KNOP1: variants seen among roughly 807,000 people sequenced by gnomAD.
KNOP1 encodes lysine-rich nucleolar protein 1.
A neutral mutation model predicts 30.6 loss-of-function variants in KNOP1; 20 were observed. That is an observed-to-expected ratio of 0.65 (90% CI 0.46 to 0.95). The LOEUF (loss-of-function observed/expected upper bound fraction) is 0.95. Ranked by LOEUF, KNOP1 falls within the 40% of genes least tolerant of loss-of-function variation. The pLI, the probability that KNOP1 is intolerant of heterozygous loss-of-function variation, is 0.00. For missense variants in KNOP1, 540 were observed against 562.0 expected (o/e 0.96, Z 0.40); for synonymous variants, 204 against 210.0 (o/e 0.97, Z 0.25).
chr16:19,714,847 T>G lies in KNOP1; in HGVS notation c.189A>C (p.Leu63=). 3 of 1,613,742 alleles carry G rather than the reference T, an allele frequency of 1.9e-6. No homozygotes were observed. Among genetic ancestry groups the G allele is most frequent in the Non-Finnish European group, 2.5e-6 (3 of 1,179,924 alleles). Residue 63 remains leucine, a synonymous_variant, in exon 2 of 5, where the codon CTA becomes CTC. Coordinates refer to ENST00000219837, the MANE Select transcript of KNOP1 (RefSeq NM_001012991.3). ...VAHGQAPEMP[L]VKKKKKKKKG... ...TCTTTTTCTTCTTCTTTTTCTTCAC[T>G]AGAGGCATCTCAGGTGCCTGCCCAT...
At chr16:19,717,316 G>A in intron 1 of KNOP1, 1 of 985,456 alleles carries the variant, frequency 1.0e-6, no homozygotes, top group Non-Finnish European at 1.2e-6. Flanking sequence ...TAAGTGGGCA[G>A]AGATAAAGGA....
At position 19,706,229 on chromosome 16, in the gene KNOP1, T is replaced by G. The variant is rs1054845147; in HGVS notation, c.*681A>C. The G allele has an allele frequency of 1.3e-5, 2 of 152,634 alleles. No individual in the cohort carries two copies. Among genetic ancestry groups the G allele is most frequent in the African/African-American group, 4.8e-5 (2 of 41,458 alleles). The allele number at this position is 152,634 out of a possible 1,614,324, so 9.5% of individuals were successfully genotyped here. A position where few individuals can be genotyped will look rare whatever the true frequency, so the allele number is the denominator to read the frequency against. ...AGATGCAGACTTGTCATAAAACTTTTTCCTCCATCTAAAGACATTTCAATC... is the reference window on the plus strand; with the variant it reads ...AGATGCAGACTTGTCATAAAACTTTGTCCTCCATCTAAAGACATTTCAATC... On this transcript the variant is annotated 3_prime_UTR_variant, in exon 5 of 5. Coordinates refer to ENST00000219837, the MANE Select transcript of KNOP1 (RefSeq NM_001012991.3).
Position 19,702,975 on chromosome 16 carries a change from T to G in KNOP1, c.*3935A>C. On this transcript the variant is annotated 3_prime_UTR_variant, in exon 5 of 5. Transcript: ENST00000219837. ...ACGCCTCTGCACTCCAGCCTGGGCGTGGAGTGAGAGTGAGACTGTCTCAAA... is the reference window on the plus strand; with the variant it reads ...ACGCCTCTGCACTCCAGCCTGGGCGGGGAGTGAGAGTGAGACTGTCTCAAA... 6.7e-6 allele frequency: 1 copy of G among 148,526 alleles called. No homozygotes were observed. Among genetic ancestry groups the G allele is most frequent in the Non-Finnish European group, 1.5e-5 (1 of 67,430 alleles). The allele number at this position is 148,526 out of a possible 1,614,324, so 9.2% of individuals were successfully genotyped here. A position where few individuals can be genotyped will look rare whatever the true frequency, so the allele number is the denominator to read the frequency against.
In KNOP1 at chr16:19,705,224, G is replaced by C. The variant is rs1051945379; in HGVS notation, c.*1686C>G. ...GCTTCCTTGGCGAGCTGTTGAACCA[G>C]GCCCTAATCAGGCCTTCCTGCCACG... On this transcript the variant is annotated 3_prime_UTR_variant, in exon 5 of 5. Coordinates refer to ENST00000219837, the MANE Select transcript of KNOP1 (RefSeq NM_001012991.3). The C allele has an allele frequency of 2.2e-6, 1 of 456,090 alleles. No homozygotes were observed. The allele number at this position is 456,090 out of a possible 1,614,324, so 28.3% of individuals were successfully genotyped here.
Position 19,714,818 on chromosome 16 carries a change from C to A in KNOP1, c.218G>T (p.Gly73Val), listed in dbSNP as rs201093179. Residue 73 changes from glycine to valine, a missense_variant, in exon 2 of 5, where the codon GGT becomes GTT. Transcript: ENST00000219837. Reference protein sequence around the residue: ...LVKKKKKKKKGVSTLCEEHVE... With the variant: ...LVKKKKKKKKVVSTLCEEHVE... ...ATGCTCCTCGCAAAGGGTGCTGACA[C>A]CCTTCTTTTTCTTCTTCTTTTTCTT... 153 of 1,613,880 alleles carry A rather than the reference C, an allele frequency of 9.5e-5. No homozygotes were observed. In the African/African-American group the frequency reaches 1.6e-3, roughly 17 times the overall value.
chr16:19,714,716 A>G lies in KNOP1; in HGVS notation c.320T>C (p.Leu107Ser). ...PSLRKQVFGH[L>S]EFLSGEKKNK... ...TTTCTTTTCCCCACTGAGGAACTCC[A>G]AGTGGCCAAACACCTGCTTCCTGAG... Residue 107 changes from leucine to serine, a missense_variant, in exon 2 of 5, where the codon TTG becomes TCG. Coordinates refer to ENST00000219837, the MANE Select transcript of KNOP1 (RefSeq NM_001012991.3). The G allele has an allele frequency of 6.2e-7, 1 of 1,614,196 alleles. No homozygotes were observed. The highest frequency in any genetic ancestry group is 8.5e-7 in the Non-Finnish European group (1 of 1,180,048).
intron 2 of KNOP1, 58 bp downstream of exon 2, chr16:19,714,059 CT>C: frequency 6.8e-7 from 1 of 1,479,750 alleles, no homozygotes; most frequent in South Asian, 1.3e-5. Flanking sequence ...CTACACACCC[CT>C]CCCAAACCCC....
chr16:19,714,308 C>T lies in KNOP1; in HGVS notation c.728G>A (p.Ser243Asn). The T allele has an allele frequency of 1.2e-6, 2 of 1,614,114 alleles. No individual in the cohort carries two copies. The highest frequency in any genetic ancestry group is 8.5e-7 in the Non-Finnish European group (1 of 1,180,002). ...CTCAACTTTGACTGGCTTCTTTTTA[C>T]TTCCTTTCCTAGGGCTGCTCTCCAT... The part of the protein sequence containing the change: ...RSMESSPRKG[S>N]KKKPVKVEAP... Residue 243 changes from serine to asparagine, a missense_variant, in exon 2 of 5, where the codon AGT (serine) becomes AAT (asparagine). Transcript: ENST00000219837.
At position 19,707,212 on chromosome 16, in the gene KNOP1, A is replaced by T; in HGVS notation, c.1075T>A (p.Phe359Ile). 1 of 1,612,334 alleles carries T rather than the reference A, an allele frequency of 6.2e-7. No individual in the cohort carries two copies. Among genetic ancestry groups the T allele is most frequent in the Non-Finnish European group, 8.5e-7 (1 of 1,179,800 alleles). The change falls in exon 5 of 5, where the codon TTT becomes ATT. Residue 359 changes from phenylalanine to isoleucine, a missense_variant. Phe to Ile is a conservative substitution (Grantham distance 21, BLOSUM62 0). Transcript: ENST00000219837. ...AAACCAGCAGTATCCCACTGGCCAA[A>T]CTGGGTTCCCTGTGAGGAGAGGAAA... ...SETRKWTGTQ[F>I]GQWDTAGFEN...
In KNOP1 at chr16:19,702,799, T is replaced by G. The variant is rs1455881273; in HGVS notation, c.*4111A>C. The G allele has an allele frequency of 6.6e-6, 1 of 152,116 alleles. No individual in the cohort carries two copies. The highest frequency in any genetic ancestry group is 2.4e-5 in the African/African-American group (1 of 41,414). 9.4% of individuals were successfully genotyped at this position (152,116 alleles called of 1,614,324 possible). A position where few individuals can be genotyped will look rare whatever the true frequency, so the allele number is the denominator to read the frequency against. On this transcript the variant is annotated 3_prime_UTR_variant, in exon 5 of 5. Transcript: ENST00000219837. The stretch of plus-strand genomic sequence containing the variant: ...TGAGGCCAAGAGATCAAGACCATCC[T>G]GGCCAACATGGTGAAACTCCATCTC...
chr16:19,712,744 C>T (rs7188410), intron 2 of KNOP1, among the ~76,000 whole-genome samples: 8,179 of 152,268 alleles, frequency 0.054, 675 homozygotes, highest in African/African-American at 0.18. Flanking sequence ...ACGGAAGGGC[C>T]GGACACTGTC....
chr16:19,710,470 G>A (rs1297988745), intron 4 of KNOP1, 39 bp downstream of exon 4: 8 of 1,603,018 alleles, frequency 5.0e-6, no homozygotes, highest in Non-Finnish European at 6.8e-6. Context: ...GGGAGGCCGA[G>A]CGTGCCACCT....
In KNOP1 at chr16:19,702,521, T is replaced by C. The variant is rs1976203605; in HGVS notation, c.*4389A>G. ...GCACCCATTATATCAAAGGTGCTTC[T>C]GAATCCTGTCATGTGGCCCAGGCAG... On this transcript the variant is annotated 3_prime_UTR_variant, in exon 5 of 5. Coordinates refer to ENST00000219837, the MANE Select transcript of KNOP1 (RefSeq NM_001012991.3). 1 of 152,224 alleles carries C rather than the reference T, an allele frequency of 6.6e-6. No homozygotes were observed. The highest frequency in any genetic ancestry group is 1.5e-5 in the Non-Finnish European group (1 of 68,052). 9.4% of individuals were successfully genotyped at this position (152,224 alleles called of 1,614,324 possible). A position where few individuals can be genotyped will look rare whatever the true frequency, so the allele number is the denominator to read the frequency against.
intron 4 of KNOP1, among the ~76,000 whole-genome samples, chr16:19,707,960 TCCC>T (rs1976502221): frequency 1.4e-5 from 1 of 70,818 alleles, no homozygotes; most frequent in Non-Finnish European, 2.7e-5. Flanking sequence ...ACAGCGCACC[TCCC>T]CCCACCTCCC....
rs1288340190 is a variant in KNOP1 at position 19,706,968 on chromosome 16, G to C, written c.1319C>G (p.Pro440Arg). Residue 440 changes from proline to arginine, a missense_variant, in exon 5 of 5, where the codon CCC (proline) becomes CGC (arginine). Transcript: ENST00000219837. ...CCTGTCAATGTAAAAGATCTTGTTG[G>C]GGGCGGTGGAGAAGCCGAGGCCGGC... ...RGAGLGFSTAPNKIFYIDRNA... is the reference protein window; with the variant it reads ...RGAGLGFSTARNKIFYIDRNA... 2.5e-6 allele frequency: 4 copies of C among 1,613,582 alleles called. No individual in the cohort carries two copies. Among genetic ancestry groups the C allele is most frequent in the Non-Finnish European group, 8.5e-7 (1 of 1,180,030 alleles).
intron 4 of KNOP1, among the ~76,000 whole-genome samples, chr16:19,708,042 G>A (rs552269584): frequency 3.4e-5 from 5 of 149,126 alleles, no homozygotes; most frequent in Admixed American, 2.0e-4. Context: ...CCCACAGGGC[G>A]CACCTCCCCT....
intron 4 of KNOP1, among the ~76,000 whole-genome samples, chr16:19,708,180 T>C (rs1976516426): frequency 6.6e-6 from 1 of 151,440 alleles, no homozygotes; most frequent in Non-Finnish European, 1.5e-5. Context: ...CACTGTTTTA[T>C]GGCGGGAACG....
At position 19,714,551 on chromosome 16, in the gene KNOP1, G is replaced by A. The variant is rs1976900116; in HGVS notation, c.485C>T (p.Thr162Ile). 1 of 1,614,206 alleles carries A rather than the reference G, an allele frequency of 6.2e-7. No individual in the cohort carries two copies. Residue 162 changes from threonine (T) to isoleucine (I), a missense_variant, in exon 2 of 5, where the codon ACA becomes ATA. Thr to Ile is a moderately conservative substitution (Grantham distance 89). Coordinates refer to ENST00000219837, the MANE Select transcript of KNOP1 (RefSeq NM_001012991.3). The stretch of plus-strand genomic sequence containing the variant: ...CCAAGGGTCCTGGACCGAGAAGGCT[G>A]TGGGGTCCTGGGCCCCCTTTTTTTC... ...KKEKKGAQDP[T>I]AFSVQDPWFC...
intron 1 of KNOP1, 102 bp from the exon 2 acceptor site, chr16:19,715,139 G>A (rs1322717222): frequency 1.4e-5 from 11 of 789,050 alleles, no homozygotes; most frequent in Non-Finnish European, 2.2e-5. Flanking sequence ...GGTGGTCAAA[G>A]CGTTGTGGGA....
Sources: allele counts gnomAD v4.1 joint callset (sites outside exome capture counted in the v4.1 genomes callset), GRCh38; gene constraint gnomAD v4.1.1; transcripts MANE v1.5; gene names NCBI Gene and HGNC (gene_info 2026-07-23, HGNC 2026-07-21).